Variants in CAMK1D observed in about 807,000 individuals in gnomAD.
The protein encoded by CAMK1D is calcium/calmodulin dependent protein kinase ID.
A neutral mutation model predicts 47.7 loss-of-function variants in CAMK1D; 9 were observed. The ratio of observed to expected loss-of-function variants is 0.19; its 90% CI spans 0.11 to 0.33. The LOEUF (loss-of-function observed/expected upper bound fraction) is 0.33. Among genes scored for constraint, CAMK1D ranks in the 10% least tolerant of loss-of-function variants. CAMK1D has a pLI of 1.00. For missense variants in CAMK1D, 291 were observed against 488.7 expected (o/e 0.60, Z 3.81); for synonymous variants, 184 against 184.9 (o/e 0.99, Z 0.04).
At position 12,405,764 on chromosome 10, in the gene CAMK1D, A is replaced by G. The variant is rs140235577; in HGVS notation, c.92+55854A>G. Among the ~76,000 whole-genome samples the G allele has an allele frequency of 2.1e-3, 326 of 152,336 alleles. 1 individual carries two copies. The highest frequency in any genetic ancestry group is 7.7e-3 in the African/African-American group (322 of 41,572). On this transcript the variant is annotated intron_variant, in intron 1 of 10. Transcript: ENST00000619168. ...CAGCATGACATGGTCATATTGTTTA[A>G]TCTGCTTTACAAGAACAAACACTTA...
chr10:12,452,803 C>G (rs1386583458), intron 1 of CAMK1D, among the ~76,000 whole-genome samples: 1 of 152,092 alleles, frequency 6.6e-6, no homozygotes, highest in Admixed American at 6.6e-5. Flanking sequence ...TCAGGATGGT[C>G]TTGAACTCCC....
intron 1 of CAMK1D, among the ~76,000 whole-genome samples, chr10:12,353,085 C>T (rs769722282): frequency 3.9e-5 from 6 of 152,164 alleles, no homozygotes; most frequent in Non-Finnish European, 8.8e-5. Flanking sequence ...ATGCCTGCTC[C>T]ACCCTGGGCC....
intron 1 of CAMK1D, among the ~76,000 whole-genome samples, chr10:12,356,079 C>T (rs1837505974): frequency 6.6e-6 from 1 of 151,952 alleles, no homozygotes; most frequent in Non-Finnish European, 1.5e-5. Context: ...TTGCAGTGAG[C>T]CGAGATTGCA....
In CAMK1D at chr10:12,606,990, G is replaced by A. The variant is rs571986098; in HGVS notation, c.224+53634G>A. On this transcript the variant is annotated intron_variant, in intron 2 of 10. Coordinates refer to ENST00000619168, the MANE Select transcript of CAMK1D (RefSeq NM_153498.4). ...ATACAGGCGTCCACCACCATACCCC[G>A]CTAATTTTTGTATTTTTAGTAGAGA... Among the ~76,000 whole-genome samples, 145 of 152,134 alleles carry A rather than the reference G, an allele frequency of 9.5e-4. 1 individual carries two copies. The highest frequency in any genetic ancestry group is 3.3e-3 in the African/African-American group (138 of 41,502).
chr10:12,385,765 A>G (rs1204502809), intron 1 of CAMK1D, among the ~76,000 whole-genome samples: 2 of 125,946 alleles, frequency 1.6e-5, no homozygotes, highest in Non-Finnish European at 3.3e-5. Context: ...TTTTTTTTTA[A>G]GATGGAGATT....
At chr10:12,707,690 T>C (rs949558) in intron 3 of CAMK1D, among the ~76,000 whole-genome samples, 60,839 of 152,090 alleles carry the variant, frequency 0.4, 13,912 homozygotes, top group Non-Finnish European at 0.5. Context: ...TAGTTTCTTG[T>C]CTCTAATCTC....
chr10:12,533,914 T>G (rs779463369), intron 1 of CAMK1D, among the ~76,000 whole-genome samples: 23 of 152,320 alleles, frequency 1.5e-4, no homozygotes, highest in Non-Finnish European at 2.4e-4. Context: ...ACAAGCTGAT[T>G]GCTGGAGATC....
chr10:12,704,635 T>C (rs1833663172), intron 3 of CAMK1D, among the ~76,000 whole-genome samples: 1 of 152,174 alleles, frequency 6.6e-6, no homozygotes. Flanking sequence ...ATATTATGGA[T>C]GATTGACAGT....
chr10:12,421,511 C>CTTTTTTTTTTTTTTTTT (rs71384322), intron 1 of CAMK1D, among the ~76,000 whole-genome samples: 1 of 50,732 alleles, frequency 2.0e-5, no homozygotes, highest in African/African-American at 8.5e-5. Flanking sequence ...ATCCAGGATT[C>CTTTTTTTTTTTTTTTTT]TTTTTTTTTT....
At chr10:12,389,192 G>T (rs1046486421) in intron 1 of CAMK1D, among the ~76,000 whole-genome samples, 2 of 105,050 alleles carry the variant, frequency 1.9e-5, no homozygotes, top group Non-Finnish European at 4.7e-5. Flanking sequence ...GTGGCGTGGG[G>T]GTGTGTGTGG....
intron 1 of CAMK1D, among the ~76,000 whole-genome samples, chr10:12,405,258 G>T (rs1839378668): frequency 6.6e-6 from 1 of 152,160 alleles, no homozygotes; most frequent in South Asian, 2.1e-4. Context: ...AGCTCATTTT[G>T]CAGACCTAAA....
chr10:12,406,867 C>A (rs1839450309), intron 1 of CAMK1D, among the ~76,000 whole-genome samples: 1 of 151,846 alleles, frequency 6.6e-6, no homozygotes, highest in African/African-American at 2.4e-5. Flanking sequence ...TAGCTCTTTC[C>A]CTTACAGTAC....
chr10:12,562,567 A>G (rs1372948574), intron 2 of CAMK1D, among the ~76,000 whole-genome samples: 3 of 151,964 alleles, frequency 2.0e-5, no homozygotes, highest in South Asian at 4.2e-4. Context: ...TTTGTGATCT[A>G]CCTCTTTGGT....
intron 2 of CAMK1D, among the ~76,000 whole-genome samples, chr10:12,562,979 A>C (rs1836990361): frequency 6.6e-6 from 1 of 152,256 alleles, no homozygotes. Flanking sequence ...TGACTGTATT[A>C]GTTCTCCAAA....
chr10:12,799,809 G>T (rs184657230), intron 6 of CAMK1D, among the ~76,000 whole-genome samples: 1 of 152,170 alleles, frequency 6.6e-6, no homozygotes, highest in Non-Finnish European at 1.5e-5. Context: ...GCTAATGCAG[G>T]AATCAAAATG....
chr10:12,536,833 T>C (rs767377166), intron 1 of CAMK1D, among the ~76,000 whole-genome samples: 2 of 152,218 alleles, frequency 1.3e-5, no homozygotes, highest in Non-Finnish European at 2.9e-5. Context: ...TGTTAATGCA[T>C]GTAGATCTCA....
intron 3 of CAMK1D, among the ~76,000 whole-genome samples, chr10:12,734,067 C>A (rs1247314123): frequency 1.3e-5 from 2 of 151,746 alleles, no homozygotes; most frequent in Non-Finnish European, 2.9e-5. Context: ...GTGGCTCCTG[C>A]CTGTAAGCCC....
intron 1 of CAMK1D, among the ~76,000 whole-genome samples, chr10:12,422,356 T>C (rs1419128973): frequency 6.6e-6 from 1 of 152,232 alleles, no homozygotes; most frequent in Non-Finnish European, 1.5e-5. Flanking sequence ...CCGGTTATTC[T>C]TGATTTTCAG....
intron 3 of CAMK1D, among the ~76,000 whole-genome samples, chr10:12,687,846 C>G (rs1007110416): frequency 1.3e-5 from 2 of 152,206 alleles, no homozygotes; most frequent in Admixed American, 6.5e-5. Flanking sequence ...ATTGTGCTTT[C>G]TTGCCAATAT....
Sources: gnomAD v4.1 joint callset for allele counts (sites outside exome capture counted in the v4.1 genomes callset) on GRCh38, gnomAD v4.1.1 for gene constraint, MANE v1.5 for transcripts, NCBI Gene and HGNC (gene_info 2026-07-23, HGNC 2026-07-21) for gene names.